IGSF23: variants seen among roughly 807,000 people sequenced by gnomAD.
The protein encoded by IGSF23 is immunoglobulin superfamily, member 23.
IGSF23 carries 14 observed loss-of-function variants against 17.8 expected under a neutral mutation model. The ratio of observed to expected loss-of-function variants is 0.79; its 90% CI spans 0.52 to 1.23. The LOEUF is 1.23. Ranked by LOEUF, IGSF23 falls within the 50% of genes most tolerant of loss-of-function variation. The probability of loss-of-function intolerance (pLI) is 0.00; values close to 1 mark genes in which losing one functional copy is unlikely to be tolerated. For synonymous variants in IGSF23, 85 were observed against 92.5 expected (o/e 0.92, Z 0.46); for missense variants, 214 against 241.7 (o/e 0.89, Z 0.76).
intron 1 of IGSF23, among the ~76,000 whole-genome samples, chr19:44,618,564 T>A (rs907635645): frequency 2.0e-5 from 3 of 152,178 alleles, no homozygotes; most frequent in African/African-American, 7.2e-5. Context: ...ATCACTTATC[T>A]AGCTGGACAG....
At chr19:44,617,962 G>C in intron 1 of IGSF23, 1 of 394,566 alleles carries the variant, frequency 2.5e-6, no homozygotes, top group Non-Finnish European at 5.2e-6. Context: ...CAGCAGAGTG[G>C]AGCAGAGAAG....
At chr19:44,621,260 G>C (rs186741785) in intron 1 of IGSF23, among the ~76,000 whole-genome samples, 8 of 148,322 alleles carry the variant, frequency 5.4e-5, no homozygotes, top group African/African-American at 2.0e-4. Flanking sequence ...TCCAGCCTGG[G>C]GGACACAGCA....
At chr19:44,620,341 T>TGTGTGTGTGTG (rs1972487297) in intron 1 of IGSF23, among the ~76,000 whole-genome samples, 2 of 139,308 alleles carry the variant, frequency 1.4e-5, no homozygotes, top group African/African-American at 5.5e-5. Flanking sequence ...ATGACTAATT[T>TGTGTGTGTGTG]TGTGTGTGTG....
Position 44,620,384 on chromosome 19 carries a change from T to TGA in IGSF23, c.126-3320_126-3319dup, listed in dbSNP as rs1555756255. On this transcript the variant is annotated intron_variant, in intron 1 of 4. Transcript: ENST00000402988. ...GTGTGTGTGTGTGTGTGTGTGTGTGTGAGATGGAGCCTCGCTCTGTCGCCC... is the reference window on the plus strand; with the variant it reads ...GTGTGTGTGTGTGTGTGTGTGTGTGTGAGAGATGGAGCCTCGCTCTGTCGCCC... 1.1e-3 allele frequency among the ~76,000 whole-genome samples: 160 copies of TGA among 143,002 alleles called. 1 individual carries two copies. Among genetic ancestry groups the TGA allele is most frequent in the Middle Eastern group, 3.6e-3 (1 of 280 alleles). 93.8% of individuals were successfully genotyped at this position (143,002 alleles called of 152,430 possible).
intron 3 of IGSF23, among the ~76,000 whole-genome samples, chr19:44,628,795 G>C (rs1243334949): frequency 6.6e-6 from 1 of 152,106 alleles, no homozygotes; most frequent in Non-Finnish European, 1.5e-5. Context: ...ATAGTATGTT[G>C]GATGAGCGCT....
intron 4 of IGSF23, 110 bp downstream of exon 4, chr19:44,635,575 CTG>C: frequency 1.3e-6 from 1 of 744,894 alleles, no homozygotes; most frequent in Non-Finnish European, 2.2e-6. Context: ...GGTCATTTGT[CTG>C]TGAGATGTTC....
At chr19:44,619,657 T>C (rs1972467324) in intron 1 of IGSF23, among the ~76,000 whole-genome samples, 1 of 152,202 alleles carries the variant, frequency 6.6e-6, no homozygotes, top group Non-Finnish European at 1.5e-5. Flanking sequence ...GGCCTCTCTT[T>C]TTTGACTTGC....
intron 3 of IGSF23, 49 bp from the exon 4 acceptor site, chr19:44,635,348 TTCTC>T (rs138387848): frequency 0.024 from 23,268 of 952,488 alleles, 422 homozygotes; most frequent in African/African-American, 0.2. Context: ...ATGATTCTTA[TTCTC>T]TCTCTCTCTC....
chr19:44,618,667 T>C (rs1813766500), intron 1 of IGSF23, among the ~76,000 whole-genome samples: 1 of 151,716 alleles, frequency 6.6e-6, no homozygotes, highest in East Asian at 1.9e-4. Context: ...GTGGCTGGAG[T>C]GATGGGGATG....
At chr19:44,616,212 A>C (rs913795894) in intron 1 of IGSF23, among the ~76,000 whole-genome samples, 28 of 152,354 alleles carry the variant, frequency 1.8e-4, no homozygotes, top group Non-Finnish European at 3.1e-4. Flanking sequence ...GTGATTAAAA[A>C]TTAATTTTAA....
chr19:44,627,837 C>T (rs1471235959), intron 3 of IGSF23, among the ~76,000 whole-genome samples: 2 of 152,168 alleles, frequency 1.3e-5, no homozygotes, highest in African/African-American at 4.8e-5. Context: ...GGGCAAGCCA[C>T]TCCCCTTCTC....
chr19:44,613,912 C>G (rs1274527754), intron 1 of IGSF23, 142 bp downstream of exon 1: 1 of 1,548,108 alleles, frequency 6.5e-7, no homozygotes, highest in Non-Finnish European at 8.7e-7. Context: ...TGCACAGTCC[C>G]TGGACAGAAC....
intron 3 of IGSF23, chr19:44,632,054 C>T (rs1972779530): frequency 4.8e-6 from 2 of 413,632 alleles, no homozygotes; most frequent in Admixed American, 2.8e-5. Context: ...CCATAGGAAT[C>T]GTTGTGCAGC....
chr19:44,615,743 G>A lies in IGSF23; in HGVS notation c.125+1973G>A, dbSNP rs1003895288. Among the ~76,000 whole-genome samples, 9 of 152,106 alleles carry A rather than the reference G, an allele frequency of 5.9e-5. No individual in the cohort carries two copies. The East Asian group carries it at 1.3e-3, about 23-fold the overall frequency. On this transcript the variant is annotated intron_variant, in intron 1 of 4. Transcript: ENST00000402988. ...GTCACACTGGAAGGAGGAAAGGGACGTGGTGGGCCTCTTCCCTATTTTGTC... is the reference window on the plus strand; with the variant it reads ...GTCACACTGGAAGGAGGAAAGGGACATGGTGGGCCTCTTCCCTATTTTGTC...
intron 3 of IGSF23, among the ~76,000 whole-genome samples, chr19:44,633,673 G>A (rs1018756517): frequency 4.6e-5 from 7 of 152,190 alleles, no homozygotes; most frequent in East Asian, 1.9e-4. Flanking sequence ...GACCAGTGCT[G>A]TAGAGAAATG....
chr19:44,615,750 G>C (rs1054547453), intron 1 of IGSF23, among the ~76,000 whole-genome samples: 8 of 152,166 alleles, frequency 5.3e-5, no homozygotes, highest in Non-Finnish European at 1.0e-4. Flanking sequence ...GACGTGGTGG[G>C]CCTCTTCCCT....
chr19:44,631,244 G>A (rs896115475), intron 3 of IGSF23, among the ~76,000 whole-genome samples: 1 of 152,090 alleles, frequency 6.6e-6, no homozygotes, highest in African/African-American at 2.4e-5. Context: ...TCCAGCCTGG[G>A]TGACAGAGTG....
Position 44,620,372 on chromosome 19 carries a change from TGTGTGTGTGTGTGA to T in IGSF23, c.126-3333_126-3320del, listed in dbSNP as rs1231709905. 2.0e-5 allele frequency among the ~76,000 whole-genome samples: 3 copies of T among 150,918 alleles called. No homozygotes were observed. In the East Asian group the frequency reaches 5.9e-4, roughly 29 times the overall value. On this transcript the variant is annotated intron_variant, in intron 1 of 4. Coordinates refer to ENST00000402988, the MANE Select transcript of IGSF23 (RefSeq NM_001205280.2). Reference sequence around the variant, plus strand: ...GTGTGTGTGTGTGTGTGTGTGTGTGTGTGTGTGTGTGTGAGATGGAGCCTCGCTCTGTCGCCCAG... The same window carrying T: ...GTGTGTGTGTGTGTGTGTGTGTGTGTGATGGAGCCTCGCTCTGTCGCCCAG...
At chr19:44,630,471 C>T (rs1972741416) in intron 3 of IGSF23, among the ~76,000 whole-genome samples, 1 of 152,232 alleles carries the variant, frequency 6.6e-6, no homozygotes. Context: ...CTGAATCAAA[C>T]CCTGATCTAA....
Sources: gnomAD v4.1 joint callset for allele counts (sites outside exome capture counted in the v4.1 genomes callset) on GRCh38, gnomAD v4.1.1 for gene constraint, MANE v1.5 for transcripts, NCBI Gene and HGNC (gene_info 2026-07-23, HGNC 2026-07-21) for gene names.